The following FGGY variants were observed in gnomAD, a reference collection of about 807,000 sequenced individuals.
FGGY encodes FGGY carbohydrate kinase domain-containing protein.
FGGY carries 72 observed loss-of-function variants against 71.3 expected under a neutral mutation model. The ratio of observed to expected loss-of-function variants is 1.01; its 90% CI spans 0.84 to 1.23. The LOEUF (loss-of-function observed/expected upper bound fraction) is 1.23, where lower values mean the gene tolerates loss of function less well. Among genes scored for constraint, FGGY ranks in the 50% most tolerant of loss-of-function variants. The pLI is 0.00. For missense variants in FGGY, 668 were observed against 682.3 expected (o/e 0.98, Z 0.23); for synonymous variants, 251 against 250.3 (o/e 1.00, Z -0.02).
chr1:59,607,813 A>AT lies in FGGY; in HGVS notation c.914_915insT (p.Ile307AspfsTer22), dbSNP rs1489362529. On this transcript the variant is annotated frameshift_variant, in exon 9 of 16. Coordinates refer to ENST00000303721, the MANE Select transcript of FGGY (RefSeq NM_018291.5). LOFTEE classifies it high-confidence loss of function. ...CATCTTTCTTTCCAGATCAGCAAAG[A>AT]CCCGATTTTTGTACCAGGCGTCTGG... The AT allele has an allele frequency of 6.2e-7, 1 of 1,613,726 alleles. No homozygotes were observed. Among genetic ancestry groups the AT allele is most frequent in the East Asian group, 2.2e-5 (1 of 44,874 alleles).
At chr1:59,725,630 G>GT (rs1463349541) in intron 14 of FGGY, among the ~76,000 whole-genome samples, 3 of 149,002 alleles carry the variant, frequency 2.0e-5, no homozygotes, top group Non-Finnish European at 4.5e-5. Flanking sequence ...TTTGTTTTTT[G>GT]TTTTTTGTTT....
chr1:59,737,039 A>G (rs1433153817), intron 14 of FGGY, among the ~76,000 whole-genome samples: 3 of 152,216 alleles, frequency 2.0e-5, no homozygotes, highest in Non-Finnish European at 4.4e-5. Context: ...AGGGGCCAAC[A>G]TAGAGCTCAG....
intron 8 of FGGY, among the ~76,000 whole-genome samples, chr1:59,571,662 CATTATTTTTTATAAT>C (rs1179643224): frequency 6.6e-5 from 10 of 152,224 alleles, no homozygotes; most frequent in African/African-American, 2.2e-4. Flanking sequence ...GTATTCATAG[CATTATTTTTTATAAT>C]AGCTACAAAT....
chr1:59,592,171 A>C (rs904329771), intron 8 of FGGY, among the ~76,000 whole-genome samples: 4 of 152,246 alleles, frequency 2.6e-5, no homozygotes, highest in South Asian at 2.1e-4. Context: ...GCAGCAAAAA[A>C]ACACATGAAA....
chr1:59,540,121 T>TA (rs1466774963), intron 7 of FGGY, among the ~76,000 whole-genome samples: 2 of 152,190 alleles, frequency 1.3e-5, no homozygotes, highest in Admixed American at 1.3e-4. Flanking sequence ...TAATGCCAAG[T>TA]ATTGATGGGG....
chr1:59,717,125 G>C (rs1411626033), intron 14 of FGGY, among the ~76,000 whole-genome samples: 2 of 152,122 alleles, frequency 1.3e-5, no homozygotes, highest in Non-Finnish European at 2.9e-5. Context: ...GAAAATTGAG[G>C]CTTAGATTAT....
intron 14 of FGGY, among the ~76,000 whole-genome samples, chr1:59,715,048 C>T (rs2097833876): frequency 6.6e-6 from 1 of 152,126 alleles, no homozygotes; most frequent in Admixed American, 6.5e-5. Context: ...CAAGAAAAGC[C>T]CTTTCTTTCG....
chr1:59,440,726 G>A (rs1201737810), intron 5 of FGGY, among the ~76,000 whole-genome samples: 1 of 149,994 alleles, frequency 6.7e-6, no homozygotes, highest in Non-Finnish European at 1.5e-5. Context: ...TAAATGCTAT[G>A]ATAGGAAGCA....
chr1:59,488,758 T>G (rs188058918), intron 6 of FGGY, among the ~76,000 whole-genome samples: 7 of 152,046 alleles, frequency 4.6e-5, no homozygotes, highest in Non-Finnish European at 8.8e-5. Flanking sequence ...TCTATTTTGT[T>G]GTATTTGTAT....
At chr1:59,526,148 ATATG>A (rs1243742638) in intron 7 of FGGY, among the ~76,000 whole-genome samples, 1 of 152,194 alleles carries the variant, frequency 6.6e-6, no homozygotes, top group Non-Finnish European at 1.5e-5. Context: ...GTGTCCGTAT[ATATG>A]TATGTGTATA....
chr1:59,501,881 G>C (rs2094236153), intron 6 of FGGY, among the ~76,000 whole-genome samples: 1 of 152,154 alleles, frequency 6.6e-6, no homozygotes. Context: ...AGCTTTGTAA[G>C]CTCGGCCAGA....
At chr1:59,758,127 C>G (rs2098310502) in intron 15 of FGGY, 135 bp downstream of exon 15, 3 of 577,952 alleles carry the variant, frequency 5.2e-6, no homozygotes, top group Non-Finnish European at 5.8e-6. Context: ...AAACTAAGTT[C>G]CAGGGAGGTA....
At chr1:59,554,985 C>G (rs542771194) in intron 8 of FGGY, among the ~76,000 whole-genome samples, 2 of 152,120 alleles carry the variant, frequency 1.3e-5, no homozygotes, top group Non-Finnish European at 2.9e-5. Flanking sequence ...GAGCGGGACA[C>G]AGCCCAGGGC....
chr1:59,734,159 T>A (rs1455589902), intron 14 of FGGY, among the ~76,000 whole-genome samples: 1 of 152,250 alleles, frequency 6.6e-6, no homozygotes, highest in East Asian at 1.9e-4. Context: ...TTTTTCTTTT[T>A]ATTTATTTCA....
intron 1 of FGGY, among the ~76,000 whole-genome samples, chr1:59,308,748 A>G (rs2043810782): frequency 2.0e-5 from 3 of 152,172 alleles, no homozygotes; most frequent in Admixed American, 2.0e-4. Flanking sequence ...AAATTTGAGA[A>G]AATAAAAGTT....
chr1:59,468,154 C>T (rs1396770442), intron 6 of FGGY, among the ~76,000 whole-genome samples: 1 of 152,172 alleles, frequency 6.6e-6, no homozygotes, highest in Non-Finnish European at 1.5e-5. Context: ...CCGCCCCCCT[C>T]AGCCTCCCAA....
At chr1:59,558,845 A>T (rs1285792457) in intron 8 of FGGY, among the ~76,000 whole-genome samples, 1 of 152,134 alleles carries the variant, frequency 6.6e-6, no homozygotes. Context: ...CCCCCCAGGA[A>T]TGCATTCCTT....
chr1:59,613,170 T>C (rs1041282923), intron 9 of FGGY, among the ~76,000 whole-genome samples: 7 of 152,134 alleles, frequency 4.6e-5, no homozygotes, highest in Admixed American at 4.6e-4. Flanking sequence ...TACAGAACTC[T>C]CCACCCCAAA....
At chr1:59,610,530 C>G (rs912923899) in intron 9 of FGGY, among the ~76,000 whole-genome samples, 1 of 152,176 alleles carries the variant, frequency 6.6e-6, no homozygotes, top group Non-Finnish European at 1.5e-5. Flanking sequence ...AATAGAGCTA[C>G]AGAGTTCCAA....
Sources: gnomAD v4.1 joint callset for allele counts (sites outside exome capture counted in the v4.1 genomes callset) on GRCh38, gnomAD v4.1.1 for gene constraint, MANE v1.5 for transcripts, NCBI Gene and HGNC (gene_info 2026-07-23, HGNC 2026-07-21) for gene names.